KCNK4: variants seen among roughly 807,000 people sequenced by gnomAD.
KCNK4 encodes the protein potassium channel subfamily K member 4.
KCNK4 carries 22 observed loss-of-function variants against 28.8 expected under a neutral mutation model. That is an observed-to-expected ratio of 0.76 (90% CI 0.55 to 1.09). The LOEUF is 1.09. Among genes scored for constraint, KCNK4 ranks in the 50% least tolerant of loss-of-function variants. The probability of loss-of-function intolerance (pLI) is 0.00; values close to 1 mark genes in which losing one functional copy is unlikely to be tolerated. For missense variants in KCNK4, 483 were observed against 546.3 expected (o/e 0.88, Z 1.15); for synonymous variants, 263 against 252.9 (o/e 1.04, Z -0.38).
chr11:64,297,062 G>A (rs997099580), intron 3 of KCNK4, 57 bp from the exon 4 acceptor site: 13 of 1,608,512 alleles, frequency 8.1e-6, no homozygotes, highest in Non-Finnish European at 1.1e-5. Flanking sequence ...GGAAGGTGCA[G>A]GGAGACGGAG....
At chr11:64,293,762 G>A (rs1482203325) in intron 2 of KCNK4, among the ~76,000 whole-genome samples, 2 of 151,932 alleles carry the variant, frequency 1.3e-5, no homozygotes, top group Admixed American at 6.6e-5. Context: ...CACCACACCC[G>A]GCTAAATTTT....
intron 2 of KCNK4, among the ~76,000 whole-genome samples, chr11:64,294,776 G>A (rs773582343): frequency 1.3e-5 from 2 of 152,054 alleles, no homozygotes; most frequent in Non-Finnish European, 2.9e-5. Context: ...TCAGGGCAGA[G>A]ATGAGTGTGG....
chr11:64,299,050 GAAAAAAAAA>G (rs56097945), intron 6 of KCNK4, among the ~76,000 whole-genome samples: 1 of 85,076 alleles, frequency 1.2e-5, no homozygotes, highest in African/African-American at 4.6e-5. Flanking sequence ...AAAAAAAGAA[GAAAAAAAAA>G]AAAAAAAAAA....
intron 1 of KCNK4, chr11:64,292,262 G>C (rs2034649022): frequency 4.3e-6 from 1 of 232,908 alleles, no homozygotes. Flanking sequence ...ACTGACAGCT[G>C]TCTCGGGGGC....
chr11:64,291,856 G>A, intron 1 of KCNK4: 1 of 211,714 alleles, frequency 4.7e-6, no homozygotes, highest in South Asian at 7.5e-5. Flanking sequence ...CGACTGGCCG[G>A]GCGGGGTGCC....
chr11:64,291,957 G>A (rs2034639475), intron 1 of KCNK4: 3 of 966,262 alleles, frequency 3.1e-6, no homozygotes, highest in South Asian at 3.5e-5. Context: ...GGACGCGGGG[G>A]AGGCGGTGGG....
In KCNK4 at chr11:64,293,017, C is replaced by G; in HGVS notation, c.-2C>G. ...GGAGCTGGCCCGGCGCCTGGGCGCG[C>G]CATGCGCAGCACCACGCTCCTGGCC... is the stretch of plus-strand genomic sequence containing the variant. On this transcript the variant is annotated 5_prime_UTR_variant, in exon 2 of 7. Coordinates refer to ENST00000422670, the MANE Select transcript of KCNK4 (RefSeq NM_033310.3). 3 of 1,542,928 alleles carry G rather than the reference C, an allele frequency of 1.9e-6. No homozygotes were observed. Among genetic ancestry groups the G allele is most frequent in the Non-Finnish European group, 2.6e-6 (3 of 1,144,440 alleles).
intron 2 of KCNK4, among the ~76,000 whole-genome samples, chr11:64,296,452 T>C (rs914017222): frequency 6.6e-6 from 1 of 152,002 alleles, no homozygotes; most frequent in African/African-American, 2.4e-5. Flanking sequence ...GTGCTTACTT[T>C]GTTGCACGTT....
Position 64,299,408 on chromosome 11 carries a change from G to A in KCNK4, c.864G>A (p.Gln288=), listed in dbSNP as rs933141425. ...WTGTVTARVT[Q]RAGPAAPPPE... ...GCACGGTGACAGCGCGCGTGACCCA[G>A]CGAGCCGGGCCCGCCGCCCCGCCGC... Residue 288 remains glutamine, a synonymous_variant, in exon 7 of 7, where the codon CAG becomes CAA. Coordinates refer to ENST00000422670, the MANE Select transcript of KCNK4 (RefSeq NM_033310.3). The A allele has an allele frequency of 3.5e-5, 55 of 1,572,718 alleles. No homozygotes were observed. The highest frequency in any genetic ancestry group is 4.4e-5 in the Non-Finnish European group (51 of 1,162,082).
chr11:64,293,357 A>G, intron 2 of KCNK4, 150 bp downstream of exon 2: 1 of 876,306 alleles, frequency 1.1e-6, no homozygotes, highest in Non-Finnish European at 1.6e-6. Context: ...GCTGGGGACC[A>G]GGTCTCTGTG....
Position 64,293,145 on chromosome 11 carries a change from C to T in KCNK4, c.127C>T (p.Arg43Ter). The change falls in exon 2 of 7, where the codon CGA becomes TGA. Residue 43 changes from arginine to a stop codon, truncating the protein, a stop_gained. Transcript: ENST00000422670. LOFTEE classifies it high-confidence loss of function. ...QQAQRELGEV[R>*]EKFLRAHPCV... Reference sequence around the variant, plus strand: ...GGCCCAGAGGGAGCTGGGGGAGGTCCGAGAGAAGTTCCTGAGGGCCCATCC... The same window carrying T: ...GGCCCAGAGGGAGCTGGGGGAGGTCTGAGAGAAGTTCCTGAGGGCCCATCC... 6.5e-7 allele frequency: 1 copy of T among 1,536,018 alleles called. No homozygotes were observed. The highest frequency in any genetic ancestry group is 8.8e-7 in the Non-Finnish European group (1 of 1,138,964).
At position 64,297,107 on chromosome 11, in the gene KCNK4, C is replaced by A. The variant is rs199639001; in HGVS notation, c.314-12C>A. 3 of 1,614,124 alleles carry A rather than the reference C, an allele frequency of 1.9e-6. No homozygotes were observed. Among genetic ancestry groups the A allele is most frequent in the Non-Finnish European group, 2.5e-6 (3 of 1,179,984 alleles). On this transcript the variant is annotated splice_polypyrimidine_tract_variant and intron_variant, in intron 3 of 6. Transcript: ENST00000422670. ...GTGGCCCCTAGACTTCCTGCATCGC[C>A]CCTCTGCCCAGGCTATGGCAATGTG...
In KCNK4 at chr11:64,297,454, C is replaced by T. The variant is rs1591229194; in HGVS notation, c.475-13C>T. 1 of 1,613,570 alleles carries T rather than the reference C, an allele frequency of 6.2e-7. No individual in the cohort carries two copies. The highest frequency in any genetic ancestry group is 8.5e-7 in the Non-Finnish European group (1 of 1,179,666). On this transcript the variant is annotated splice_polypyrimidine_tract_variant and intron_variant, in intron 4 of 6. Coordinates refer to ENST00000422670, the MANE Select transcript of KCNK4 (RefSeq NM_033310.3). ...GGTGTCTCCTGGGTCCTGCCTACTGCCCCATCCCGCAGAAGTGGCACGTGC... is the reference window on the plus strand; with the variant it reads ...GGTGTCTCCTGGGTCCTGCCTACTGTCCCATCCCGCAGAAGTGGCACGTGC...
In KCNK4 at chr11:64,298,208, G is replaced by A. The variant is rs777868070; in HGVS notation, c.760G>A (p.Gly254Arg). Residue 254 changes from glycine (G) to arginine (R), a missense_variant, in exon 6 of 7, where the codon GGG (glycine) becomes AGG (arginine). Transcript: ENST00000422670. The stretch of plus-strand genomic sequence containing the variant: ...CTTCGCCTCAGTGCTCACCACCATC[G>A]GGAACTGGCTGCGAGTAGTGTCCCG... The part of the protein sequence containing the change: ...AYFASVLTTI[G>R]NWLRVVSRRT... 21 of 1,613,322 alleles carry A rather than the reference G, an allele frequency of 1.3e-5. No homozygotes were observed. Among genetic ancestry groups the A allele is most frequent in the Admixed American group, 1.2e-4 (7 of 60,002 alleles).
chr11:64,293,623 C>T (rs1000451236), intron 2 of KCNK4, among the ~76,000 whole-genome samples: 1 of 151,656 alleles, frequency 6.6e-6, no homozygotes, highest in Non-Finnish European at 1.5e-5. Context: ...TTTTTTGAGA[C>T]GGAGTCTCCC....
Position 64,299,377 on chromosome 11 carries a change from G to T in KCNK4, c.833G>T (p.Trp278Leu). Reference sequence around the variant, plus strand: ...GGCCTCACGGCTCAGGCTGCCAGCTGGACTGGCACGGTGACAGCGCGCGTG... The same window carrying T: ...GGCCTCACGGCTCAGGCTGCCAGCTTGACTGGCACGGTGACAGCGCGCGTG... ...MGGLTAQAAS[W>L]TGTVTARVTQ... Residue 278 changes from tryptophan to leucine, a missense_variant, in exon 7 of 7, where the codon TGG (tryptophan) becomes TTG (leucine). By Grantham distance (61) the Trp-to-Leu change is moderately conservative. Transcript: ENST00000422670. 6.4e-7 allele frequency: 1 copy of T among 1,574,636 alleles called. No individual in the cohort carries two copies. The highest frequency in any genetic ancestry group is 8.6e-7 in the Non-Finnish European group (1 of 1,163,178).
In KCNK4 at chr11:64,299,836, G is replaced by C. The variant is rs1237167726; in HGVS notation, c.*110G>C. 6.5e-7 allele frequency: 1 copy of C among 1,533,120 alleles called. No homozygotes were observed. The highest frequency in any genetic ancestry group is 1.4e-5 in the African/African-American group (1 of 72,918). 95.0% of individuals were successfully genotyped at this position (1,533,120 alleles called of 1,614,324 possible). A position where few individuals can be genotyped will look rare whatever the true frequency, so the allele number is the denominator to read the frequency against. ...TTCCACGAGACTGAAGTCTGGGGAG[G>C]AGGCTACAGTTGCCTCTCCGCCTCC... On this transcript the variant is annotated 3_prime_UTR_variant, in exon 7 of 7. Coordinates refer to ENST00000422670, the MANE Select transcript of KCNK4 (RefSeq NM_033310.3).
chr11:64,297,086 C>A, intron 3 of KCNK4, 33 bp from the exon 4 acceptor site: 1 of 1,613,630 alleles, frequency 6.2e-7, no homozygotes, highest in Non-Finnish European at 8.5e-7. Context: ...TCCCAGGTGG[C>A]CCCTAGACTT....
chr11:64,297,168 C>T lies in KCNK4; in HGVS notation c.363C>T (p.Ile121=). Residue 121 remains isoleucine, a synonymous_variant, in exon 4 of 7, where the codon ATC becomes ATT. Transcript: ENST00000422670. Reference sequence around the variant, plus strand: ...CAGATGCCGGGCGCCTCTTCTGCATCTTTTATGCGCTGGTGGGGATTCCGC... The same window carrying T: ...CAGATGCCGGGCGCCTCTTCTGCATTTTTTATGCGCTGGTGGGGATTCCGC... ...LRTDAGRLFC[I]FYALVGIPLF... is the part of the protein sequence containing the mutation. 6.2e-7 allele frequency: 1 copy of T among 1,614,166 alleles called. No individual in the cohort carries two copies. Among genetic ancestry groups the T allele is most frequent in the Non-Finnish European group, 8.5e-7 (1 of 1,180,040 alleles).
Sources: gnomAD v4.1 joint callset for allele counts (sites outside exome capture counted in the v4.1 genomes callset) on GRCh38, gnomAD v4.1.1 for gene constraint, MANE v1.5 for transcripts, NCBI Gene and HGNC (gene_info 2026-07-23, HGNC 2026-07-21) for gene names.